The following AGGF1 variants were observed in gnomAD, a reference collection of about 807,000 sequenced individuals.
AGGF1 encodes angiogenic factor with G patch and FHA domains 1.
In AGGF1, 56 loss-of-function variants were observed where a neutral mutation model predicts 86.5. That is an observed-to-expected ratio of 0.65 (90% CI 0.52 to 0.81). The LOEUF is 0.81. Among genes scored for constraint, AGGF1 ranks in the 30% least tolerant of loss-of-function variants. AGGF1 has a pLI of 0.00. For synonymous variants in AGGF1, 313 were observed against 297.1 expected (o/e 1.05, Z -0.55); for missense variants, 816 against 850.9 (o/e 0.96, Z 0.51).
chr5:77,054,635 T>G (rs575179628), intron 10 of AGGF1, among the ~76,000 whole-genome samples: 1 of 152,308 alleles, frequency 6.6e-6, no homozygotes, highest in East Asian at 1.9e-4. Context: ...GGTATGTTAA[T>G]GAGGTTGATT....
At chr5:77,050,896 A>ATATTTC (rs1485609041) in intron 8 of AGGF1, among the ~76,000 whole-genome samples, 1 of 152,262 alleles carries the variant, frequency 6.6e-6, no homozygotes, top group Non-Finnish European at 1.5e-5. Flanking sequence ...TATCATGGTT[A>ATATTTC]ATATATGAAA....
intron 2 of AGGF1, among the ~76,000 whole-genome samples, chr5:77,035,315 A>G (rs180685485): frequency 6.6e-6 from 1 of 151,472 alleles, no homozygotes; most frequent in African/African-American, 2.4e-5. Flanking sequence ...TTTTCTTTTT[A>G]ACTGACAGCT....
Position 77,031,398 on chromosome 5 carries a change from G to A in AGGF1, c.210+422G>A, listed in dbSNP as rs149357719. On this transcript the variant is annotated intron_variant, in intron 1 of 13. Transcript: ENST00000312916. Reference sequence around the variant, plus strand: ...CATTAAATGAGAATGATAGCTCACAGTAGTAAAGGTGAAGTAAAACAAACA... The same window carrying A: ...CATTAAATGAGAATGATAGCTCACAATAGTAAAGGTGAAGTAAAACAAACA... 2.0e-5 allele frequency among the ~76,000 whole-genome samples: 3 copies of A among 152,328 alleles called. No homozygotes were observed. In the East Asian group the frequency reaches 5.8e-4, roughly 29 times the overall value.
At chr5:77,061,509 T>C (rs1281221702) in intron 12 of AGGF1, among the ~76,000 whole-genome samples, 194 bp from the exon 13 acceptor site, 1 of 152,236 alleles carries the variant, frequency 6.6e-6, no homozygotes, top group Non-Finnish European at 1.5e-5. Flanking sequence ...GTTGTATGTG[T>C]GTTTTGGTGC....
rs1561290297 is a variant in AGGF1, at chr5:77,053,956, C to T, written c.1468-9C>T. 2 of 1,613,708 alleles carry T rather than the reference C, an allele frequency of 1.2e-6. No individual in the cohort carries two copies. The highest frequency in any genetic ancestry group is 2.2e-5 in the South Asian group (2 of 91,082). On this transcript the variant is annotated splice_polypyrimidine_tract_variant and intron_variant, in intron 9 of 13. Coordinates refer to ENST00000312916, the MANE Select transcript of AGGF1 (RefSeq NM_018046.5). ...TTGATTTCTGTTTTGTAAAATGTTT[C>T]CCCTCTAGCCGAAAACTAAATGTGA...
At chr5:77,052,439 A>G (rs1389955422) in intron 8 of AGGF1, among the ~76,000 whole-genome samples, 1 of 152,210 alleles carries the variant, frequency 6.6e-6, no homozygotes, top group Admixed American at 6.5e-5. Flanking sequence ...AAAATTTTTC[A>G]AATTATAATC....
At chr5:77,047,170 G>A (rs1177914089) in intron 6 of AGGF1, among the ~76,000 whole-genome samples, 1 of 152,044 alleles carries the variant, frequency 6.6e-6, no homozygotes, top group Admixed American at 6.5e-5. Flanking sequence ...TTCTACTTTA[G>A]TGGATTCAAG....
At chr5:77,036,896 C>G (rs1746979579) in intron 4 of AGGF1, among the ~76,000 whole-genome samples, 176 bp downstream of exon 4, 1 of 152,160 alleles carries the variant, frequency 6.6e-6, no homozygotes, top group Non-Finnish European at 1.5e-5. Flanking sequence ...CACCACCACA[C>G]CCTGCTAATT....
At chr5:77,059,297 A>G (rs1747511477) in intron 11 of AGGF1, among the ~76,000 whole-genome samples, 1 of 152,244 alleles carries the variant, frequency 6.6e-6, no homozygotes, top group Non-Finnish European at 1.5e-5. Context: ...GGAATAGACT[A>G]AAAGTAGCAT....
intron 11 of AGGF1, among the ~76,000 whole-genome samples, chr5:77,056,226 C>CTT (rs770417117): frequency 0.025 from 2,627 of 104,470 alleles, 164 homozygotes; most frequent in African/African-American, 0.052. Context: ...AAAGAGTGGT[C>CTT]TTTTTTTTTT....
At chr5:77,049,718 C>T (rs1317738460) in intron 8 of AGGF1, among the ~76,000 whole-genome samples, 1 of 151,876 alleles carries the variant, frequency 6.6e-6, no homozygotes, top group Admixed American at 6.6e-5. Flanking sequence ...CCCAGCTAAT[C>T]TTTATGTATT....
chr5:77,048,851 A>G, intron 7 of AGGF1, 85 bp from the exon 8 acceptor site: 6 of 1,265,430 alleles, frequency 4.7e-6, no homozygotes, highest in East Asian at 2.3e-5. Flanking sequence ...GTATTTTAAC[A>G]TTATCTGTTT....
rs77369129 is a variant in AGGF1, at chr5:77,036,153, A to G, written c.517-403A>G. On this transcript the variant is annotated intron_variant, in intron 3 of 13. Coordinates refer to ENST00000312916, the MANE Select transcript of AGGF1 (RefSeq NM_018046.5). ...ATAGTTTGTTTGAATTAGGATCCCT[A>G]TTGTGTTTGATATATCTCATTTAAT... The G allele has an allele frequency of 6.4e-3, 1,726 of 269,602 alleles. 23 individuals are homozygous for G. Among genetic ancestry groups the G allele is most frequent in the African/African-American group, 0.037 (1,610 of 43,834 alleles). The allele number at this position is 269,602 out of a possible 1,614,324, so 16.7% of individuals were successfully genotyped here.
At chr5:77,059,777 T>G in intron 12 of AGGF1, 34 bp downstream of exon 12, 8 of 1,611,400 alleles carry the variant, frequency 5.0e-6, no homozygotes, top group Non-Finnish European at 6.8e-6. Context: ...CGAAACATCC[T>G]TTGTTCATAA....
intron 1 of AGGF1, among the ~76,000 whole-genome samples, chr5:77,033,521 G>A (rs1336809227): frequency 6.6e-6 from 1 of 152,136 alleles, no homozygotes; most frequent in Non-Finnish European, 1.5e-5. Flanking sequence ...GAATTTAATG[G>A]GGCACTAATT....
At position 77,031,108 on chromosome 5, in the gene AGGF1, C is replaced by G. The variant is rs1746842410; in HGVS notation, c.210+132C>G. 7 of 970,718 alleles carry G rather than the reference C, an allele frequency of 7.2e-6. 1 individual carries two copies. The South Asian group carries it at 9.8e-5, about 14-fold the overall frequency. The allele number at this position is 970,718 out of a possible 1,614,324, so 60.1% of individuals were successfully genotyped here. A position where few individuals can be genotyped will look rare whatever the true frequency, so the allele number is the denominator to read the frequency against. ...AGTACTTAAAGTAAATAAGTAGAAG[C>G]TCAGCGCAGTTACAATTCCAAGTAC... On this transcript the variant is annotated intron_variant, in intron 1 of 13. Transcript: ENST00000312916.
intron 12 of AGGF1, 33 bp downstream of exon 12, chr5:77,059,776 C>G (rs1389334354): frequency 6.8e-6 from 11 of 1,611,288 alleles, no homozygotes; most frequent in Admixed American, 1.7e-5. Flanking sequence ...TCGAAACATC[C>G]TTTGTTCATA....
chr5:77,030,538 G>C lies in AGGF1; in HGVS notation c.-229G>C, dbSNP rs979020309. On this transcript the variant is annotated 5_prime_UTR_variant, in exon 1 of 14. Transcript: ENST00000312916. ...TTCCAGGAAAGTTTTCCGGTTTGCA[G>C]GCCGCGCACATCGGGCAGGGGCCAT... 4 of 693,830 alleles carry C rather than the reference G, an allele frequency of 5.8e-6. No individual in the cohort carries two copies. The African/African-American group carries it at 7.0e-5, about 12-fold the overall frequency. The allele number at this position is 693,830 out of a possible 1,614,324, so 43.0% of individuals were successfully genotyped here. A position where few individuals can be genotyped will look rare whatever the true frequency, so the allele number is the denominator to read the frequency against.
intron 12 of AGGF1, among the ~76,000 whole-genome samples, chr5:77,061,440 A>G (rs1476343949): frequency 1.4e-4 from 21 of 152,200 alleles, no homozygotes; most frequent in Admixed American, 1.4e-3. Context: ...CATTTTAATC[A>G]TTGCCAGACA....
Sources: allele counts gnomAD v4.1 joint callset (sites outside exome capture counted in the v4.1 genomes callset), GRCh38; gene constraint gnomAD v4.1.1; transcripts MANE v1.5; gene names NCBI Gene and HGNC (gene_info 2026-07-23, HGNC 2026-07-21).